PUS10: variants seen among roughly 807,000 people sequenced by gnomAD.
PUS10 encodes the protein tRNA pseudouridine synthase Pus10.
PUS10 carries 59 observed loss-of-function variants against 75.0 expected under a neutral mutation model. The observed-to-expected ratio is 0.79, with a 90% CI of 0.64 to 0.98. The LOEUF is 0.98. PUS10 is among the 50% of genes least tolerant of loss of function. PUS10 has a pLI of 0.00. For missense variants in PUS10, 650 were observed against 614.4 expected (o/e 1.06, Z -0.61); for synonymous variants, 219 against 211.6 (o/e 1.03, Z -0.30).
chr2:61,008,467 G>C (rs1229287937), intron 3 of PUS10, among the ~76,000 whole-genome samples: 1 of 151,984 alleles, frequency 6.6e-6, no homozygotes, highest in African/African-American at 2.4e-5. Flanking sequence ...CTACAGCCTG[G>C]ACAACAAGAG....
At chr2:60,945,992 T>C (rs969998291) in intron 16 of PUS10, among the ~76,000 whole-genome samples, 1 of 152,222 alleles carries the variant, frequency 6.6e-6, no homozygotes, top group African/African-American at 2.4e-5. Context: ...TATGCTGATA[T>C]TATGTCCTCA....
At chr2:61,009,592 A>G (rs1483648014) in intron 2 of PUS10, among the ~76,000 whole-genome samples, 1 of 152,236 alleles carries the variant, frequency 6.6e-6, no homozygotes, top group Non-Finnish European at 1.5e-5. Flanking sequence ...CCATTTCCAT[A>G]TATTAATTGA....
chr2:60,974,677 T>G (rs766884008), intron 4 of PUS10, among the ~76,000 whole-genome samples: 1 of 152,020 alleles, frequency 6.6e-6, no homozygotes, highest in Non-Finnish European at 1.5e-5. Context: ...TTCCCCGGGG[T>G]CAGCTGTGGA....
chr2:60,991,622 A>G (rs1302664436), intron 4 of PUS10, among the ~76,000 whole-genome samples: 1 of 152,168 alleles, frequency 6.6e-6, no homozygotes, highest in African/African-American at 2.4e-5. Context: ...ATGTCCAGCT[A>G]ATTTTTTATT....
intron 3 of PUS10, among the ~76,000 whole-genome samples, 178 bp downstream of exon 3, chr2:61,008,583 C>T (rs1679391964): frequency 6.6e-6 from 1 of 152,084 alleles, no homozygotes; most frequent in Non-Finnish European, 1.5e-5. Flanking sequence ...TGCTTGAGCC[C>T]CAGGAGTTGG....
chr2:60,991,457 G>A (rs1558957598), intron 4 of PUS10, among the ~76,000 whole-genome samples: 1 of 152,020 alleles, frequency 6.6e-6, no homozygotes. Context: ...AAAGATAAAA[G>A]TATTTATTTT....
chr2:60,965,065 T>G lies in PUS10; in HGVS notation c.716A>C (p.Asn239Thr), dbSNP rs763136093. The G allele has an allele frequency of 2.4e-5, 38 of 1,613,412 alleles. No individual in the cohort carries two copies. Among genetic ancestry groups the G allele is most frequent in the Admixed American group, 3.3e-5 (2 of 59,974 alleles). ...GCGGGAACCTTTCCTTACCTGTTTG[T>G]TTTTGGCTGGCTTAAAACAATCTGG... ...ICPDCFKPAK[N>T]KQSVFTRMAV... The change falls in exon 8 of 18, where the codon AAC becomes ACC. Residue 239 changes from asparagine to threonine, a missense_variant. Transcript: ENST00000316752.
chr2:61,009,098 G>A (rs1679437332), intron 2 of PUS10, 83 bp from the exon 3 acceptor site: 1 of 1,271,908 alleles, frequency 7.9e-7, no homozygotes, highest in Non-Finnish European at 1.1e-6. Flanking sequence ...AAGAAAACAT[G>A]AGTGAAAATT....
At chr2:60,967,416 T>G (rs1676404003) in intron 6 of PUS10, 86 bp downstream of exon 6, 2 of 893,994 alleles carry the variant, frequency 2.2e-6, no homozygotes, top group East Asian at 2.7e-5. Context: ...AAAAGAAGTT[T>G]TTTTGGCTAA....
intron 9 of PUS10, 140 bp downstream of exon 9, chr2:60,962,686 T>C (rs1676105079): frequency 7.3e-7 from 1 of 1,370,952 alleles, no homozygotes; most frequent in African/African-American, 1.5e-5. Context: ...GCACCATGGG[T>C]TGGAGAGATA....
rs571261298 is a variant in PUS10, at chr2:60,978,375, T to C, written c.469-6818A>G. On this transcript the variant is annotated intron_variant, in intron 4 of 17. Transcript: ENST00000316752. ...AGGCGGAAGTTGCAGTGAGCTGAGA[T>C]TGCACCACTGTACTCCAGCCTGGGC... is the stretch of plus-strand genomic sequence containing the variant. Among the ~76,000 whole-genome samples the C allele has an allele frequency of 1.0e-4, 15 of 147,410 alleles. 1 individual carries two copies. Among genetic ancestry groups the C allele is most frequent in the Admixed American group, 8.9e-4 (13 of 14,612 alleles).
intron 4 of PUS10, among the ~76,000 whole-genome samples, chr2:60,993,337 G>A (rs1678235107): frequency 6.6e-6 from 1 of 151,978 alleles, no homozygotes; most frequent in Admixed American, 6.6e-5. Context: ...CATGGCTGCA[G>A]TCCCCGCTAC....
chr2:60,942,137 A>G lies in PUS10; in HGVS notation c.*258T>C, dbSNP rs937466854. 1 of 413,330 alleles carries G rather than the reference A, an allele frequency of 2.4e-6. No individual in the cohort carries two copies. 25.6% of individuals were successfully genotyped at this position (413,330 alleles called of 1,614,324 possible). The stretch of plus-strand genomic sequence containing the variant: ...TGAAAGAATTAAGGAGAATTATTTC[A>G]TTATTCATAGTTTGGTTTGTGGGGG... On this transcript the variant is annotated 3_prime_UTR_variant, in exon 18 of 18. Coordinates refer to ENST00000316752, the MANE Select transcript of PUS10 (RefSeq NM_144709.4).
intron 4 of PUS10, among the ~76,000 whole-genome samples, chr2:60,997,056 C>T (rs1678515097): frequency 6.6e-6 from 1 of 152,160 alleles, no homozygotes; most frequent in African/African-American, 2.4e-5. Context: ...TATATGATTC[C>T]ATGATTCTAA....
At chr2:60,983,930 T>C (rs1457570069) in intron 4 of PUS10, among the ~76,000 whole-genome samples, 1 of 151,688 alleles carries the variant, frequency 6.6e-6, no homozygotes, top group Non-Finnish European at 1.5e-5. Flanking sequence ...CACACACACC[T>C]ACAAACATGC....
At chr2:60,960,679 T>C (rs896674472) in intron 10 of PUS10, among the ~76,000 whole-genome samples, 162 bp from the exon 11 acceptor site, 19 of 152,034 alleles carry the variant, frequency 1.2e-4, no homozygotes, top group African/African-American at 4.3e-4. Flanking sequence ...ACCTGGGACA[T>C]ATACATGTAG....
chr2:60,947,919 C>A, intron 16 of PUS10, 124 bp downstream of exon 16: 2 of 770,636 alleles, frequency 2.6e-6, no homozygotes, highest in Admixed American at 2.5e-5. Context: ...CAAAAATATT[C>A]TTCTTCAGTA....
chr2:60,941,094 T>C lies in PUS10; in HGVS notation c.*1301A>G, dbSNP rs1674606902. ...GTATTCTTAAAAAAAGCTCAAATAG[T>C]TGAATTAGGGTGATGGAAATTATAC... On this transcript the variant is annotated 3_prime_UTR_variant, in exon 18 of 18. Coordinates refer to ENST00000316752, the MANE Select transcript of PUS10 (RefSeq NM_144709.4). 1 of 152,274 alleles carries C rather than the reference T, an allele frequency of 6.6e-6. No homozygotes were observed. Among genetic ancestry groups the C allele is most frequent in the South Asian group, 2.1e-4 (1 of 4,836 alleles). The allele number at this position is 152,274 out of a possible 1,614,324, so 9.4% of individuals were successfully genotyped here. A position where few individuals can be genotyped will look rare whatever the true frequency, so the allele number is the denominator to read the frequency against.
chr2:60,942,493 G>T, intron 17 of PUS10, 60 bp from the exon 18 acceptor site: 1 of 1,280,338 alleles, frequency 7.8e-7, no homozygotes, highest in Non-Finnish European at 1.1e-6. Flanking sequence ...GCATTTGCTG[G>T]TAATGCTGTA....
Sources: gnomAD v4.1 joint callset for allele counts (sites outside exome capture counted in the v4.1 genomes callset) on GRCh38, gnomAD v4.1.1 for gene constraint, MANE v1.5 for transcripts, NCBI Gene and HGNC (gene_info 2026-07-23, HGNC 2026-07-21) for gene names.